CFAP221: variants seen among roughly 807,000 people sequenced by gnomAD.
CFAP221 encodes the protein cilia and flagella associated protein 221.
CFAP221 carries 97 observed loss-of-function variants against 113.1 expected under a neutral mutation model. The ratio of observed to expected loss-of-function variants is 0.86; its 90% CI spans 0.73 to 1.02. The LOEUF is 1.02. Among genes scored for constraint, CFAP221 ranks in the 50% least tolerant of loss-of-function variants. The probability of loss-of-function intolerance (pLI) is 0.00; values close to 1 mark genes in which losing one functional copy is unlikely to be tolerated. For synonymous variants in CFAP221, 331 were observed against 354.4 expected (o/e 0.93, Z 0.74); for missense variants, 1,025 against 1,013.4 (o/e 1.01, Z -0.16).
chr2:119,550,417 T>C (rs1172406001), intron 3 of CFAP221, among the ~76,000 whole-genome samples: 1 of 152,094 alleles, frequency 6.6e-6, no homozygotes, highest in Non-Finnish European at 1.5e-5. Flanking sequence ...GTAGCGAGAA[T>C]AGATGAGGAG....
intron 14 of CFAP221, among the ~76,000 whole-genome samples, chr2:119,624,447 T>C (rs1686153254): frequency 6.6e-6 from 1 of 152,218 alleles, no homozygotes; most frequent in Non-Finnish European, 1.5e-5. Flanking sequence ...TCAACCATTG[T>C]GGAAGACAGT....
intron 23 of CFAP221, among the ~76,000 whole-genome samples, chr2:119,655,364 C>T (rs891768405): frequency 1.3e-5 from 2 of 152,140 alleles, no homozygotes; most frequent in African/African-American, 4.8e-5. Context: ...TAAGGGGAGA[C>T]AGGATCTATA....
chr2:119,545,178 A>C (rs906995598), intron 1 of CFAP221: 2 of 151,116 alleles, frequency 1.3e-5, no homozygotes, highest in East Asian at 4.0e-4. Context: ...CTCCAGAAAA[A>C]ACAAAACCGA....
intron 7 of CFAP221, among the ~76,000 whole-genome samples, chr2:119,593,728 A>G (rs1683753330): frequency 6.6e-6 from 1 of 152,102 alleles, no homozygotes. Context: ...AGTCCCAGCT[A>G]CCGGGAGGCT....
chr2:119,605,228 G>A lies in CFAP221; in HGVS notation c.1072G>A (p.Ala358Thr). Reference protein sequence around the residue: ...EISKTRQMKEALFEQKVRQDI... With the variant: ...EISKTRQMKETLFEQKVRQDI... ...TTCAAAAACGAGACAGATGAAGGAG[G>A]CACTCTTTGAACAGAAAGTCAGACA... The change falls in exon 11 of 24, where the codon GCA becomes ACA. Residue 358 changes from alanine to threonine, a missense_variant. By Grantham distance (58) the Ala-to-Thr change is moderately conservative (BLOSUM62 0). Coordinates refer to ENST00000413369, the MANE Select transcript of CFAP221 (RefSeq NM_001271049.2). 1 of 1,614,134 alleles carries A rather than the reference G, an allele frequency of 6.2e-7. No individual in the cohort carries two copies. The highest frequency in any genetic ancestry group is 8.5e-7 in the Non-Finnish European group (1 of 1,180,002).
In CFAP221 at chr2:119,597,606, G is replaced by A. The variant is rs527967313; in HGVS notation, c.632-3612G>A. 7.9e-5 allele frequency among the ~76,000 whole-genome samples: 12 copies of A among 152,186 alleles called. No homozygotes were observed. The South Asian group carries it at 1.2e-3, about 16-fold the overall frequency. On this transcript the variant is annotated intron_variant, in intron 7 of 23. Transcript: ENST00000413369. ...TCTTGGCGTTTTGAACAAGGAATTG[G>A]ACAAAATACACAAAGCAAGGAAATA...
intron 1 of CFAP221, among the ~76,000 whole-genome samples, chr2:119,545,522 G>A (rs928506501): frequency 6.6e-6 from 1 of 152,162 alleles, no homozygotes; most frequent in Admixed American, 6.5e-5. Context: ...CCCATGTCTG[G>A]CACCTGGCTG....
At chr2:119,612,084 C>T (rs1419992163) in intron 13 of CFAP221, among the ~76,000 whole-genome samples, 2 of 152,118 alleles carry the variant, frequency 1.3e-5, no homozygotes, top group African/African-American at 4.8e-5. Context: ...ATCCTCCTTC[C>T]CTTGGTAGAA....
At chr2:119,593,608 G>A (rs1441610525) in intron 7 of CFAP221, among the ~76,000 whole-genome samples, 6 of 152,190 alleles carry the variant, frequency 3.9e-5, no homozygotes, top group African/African-American at 1.4e-4. Flanking sequence ...GGGAGGCCGA[G>A]GAGGGCGGAT....
At chr2:119,555,678 C>T (rs1680744451) in intron 3 of CFAP221, among the ~76,000 whole-genome samples, 1 of 152,114 alleles carries the variant, frequency 6.6e-6, no homozygotes, top group African/African-American at 2.4e-5. Flanking sequence ...AGCCATGAGA[C>T]GGTAGGATGT....
rs571173300 is a variant in CFAP221 at position 119,547,117 on chromosome 2, A to T, written c.139+847A>T. Among the ~76,000 whole-genome samples the T allele has an allele frequency of 2.6e-5, 4 of 152,342 alleles. No homozygotes were observed. In the East Asian group the frequency reaches 7.7e-4, roughly 29 times the overall value. Reference sequence around the variant, plus strand: ...TAAAGCCCATCTCAAATGTGAGGACATAATAGTGTATTTGGATATGCTTCT... The same window carrying T: ...TAAAGCCCATCTCAAATGTGAGGACTTAATAGTGTATTTGGATATGCTTCT... On this transcript the variant is annotated intron_variant, in intron 2 of 23. Transcript: ENST00000413369.
intron 19 of CFAP221, 44 bp from the exon 20 acceptor site, chr2:119,638,215 A>G (rs1687231110): frequency 6.2e-7 from 1 of 1,604,084 alleles, no homozygotes; most frequent in Non-Finnish European, 8.5e-7. Flanking sequence ...CCTGGCTTAG[A>G]AACTGGTAAA....
intron 6 of CFAP221, among the ~76,000 whole-genome samples, chr2:119,577,314 C>T (rs1051366993): frequency 6.6e-6 from 1 of 152,312 alleles, no homozygotes; most frequent in South Asian, 2.1e-4. Flanking sequence ...GGAATTGGGG[C>T]TTCCACATAT....
chr2:119,568,090 CCT>C (rs950001659), intron 6 of CFAP221, among the ~76,000 whole-genome samples: 1 of 152,130 alleles, frequency 6.6e-6, no homozygotes, highest in Admixed American at 6.5e-5. Flanking sequence ...TTCTTCCTCT[CCT>C]CTCATGTATA....
chr2:119,594,292 G>A (rs192161902), intron 7 of CFAP221, among the ~76,000 whole-genome samples: 326 of 151,996 alleles, frequency 2.1e-3, no homozygotes, highest in African/African-American at 7.1e-3. Flanking sequence ...CTGGAGTGCA[G>A]TGGCATGATC....
Position 119,652,060 on chromosome 2 carries a change from G to A in CFAP221, c.2405G>A (p.Arg802Lys). The A allele has an allele frequency of 6.2e-7, 1 of 1,610,164 alleles. No individual in the cohort carries two copies. The highest frequency in any genetic ancestry group is 8.5e-7 in the Non-Finnish European group (1 of 1,177,090). The change falls in exon 23 of 24, where the codon AGG becomes AAG. Residue 802 changes from arginine to lysine, a missense_variant. Physicochemically the swap from Arg to Lys is conservative, Grantham distance 26. Coordinates refer to ENST00000413369, the MANE Select transcript of CFAP221 (RefSeq NM_001271049.2). ...EFPMLNYKDIRKEKEVKDQAQ... is the reference protein window; with the variant it reads ...EFPMLNYKDIKKEKEVKDQAQ... ...CCTATGTTGAACTACAAGGACATCA[G>A]GAAGGAGAAGTAAGTGGATGCTTTT...
In CFAP221 at chr2:119,546,091, A is replaced by G; in HGVS notation, c.-41A>G. 1.3e-6 allele frequency: 2 copies of G among 1,509,112 alleles called. No homozygotes were observed. Among genetic ancestry groups the G allele is most frequent in the Non-Finnish European group, 1.8e-6 (2 of 1,138,692 alleles). 93.5% of individuals were successfully genotyped at this position (1,509,112 alleles called of 1,614,324 possible). A position where few individuals can be genotyped will look rare whatever the true frequency, so the allele number is the denominator to read the frequency against. The stretch of plus-strand genomic sequence containing the variant: ...GCTGCTCTTTCCTCCCCAGGACATG[A>G]CCTTTGGCTCTAAAAAGAAGACTCC... On this transcript the variant is annotated 5_prime_UTR_variant, in exon 2 of 24. Coordinates refer to ENST00000413369, the MANE Select transcript of CFAP221 (RefSeq NM_001271049.2).
intron 14 of CFAP221, among the ~76,000 whole-genome samples, chr2:119,622,388 C>CA (rs994532678): frequency 4.6e-5 from 7 of 151,550 alleles, no homozygotes; most frequent in East Asian, 1.9e-4. Flanking sequence ...GCCTACCAAC[C>CA]AAAAAAAAGC....
intron 7 of CFAP221, among the ~76,000 whole-genome samples, chr2:119,591,833 A>G (rs1247315655): frequency 6.6e-6 from 1 of 152,148 alleles, no homozygotes; most frequent in East Asian, 1.9e-4. Flanking sequence ...GACAGCAGGC[A>G]CTTCTGCGGG....
Sources: allele counts gnomAD v4.1 joint callset (sites outside exome capture counted in the v4.1 genomes callset), GRCh38; gene constraint gnomAD v4.1.1; transcripts MANE v1.5; gene names NCBI Gene and HGNC (gene_info 2026-07-23, HGNC 2026-07-21).